The following ENPEP variants were observed in gnomAD, a reference collection of about 807,000 sequenced individuals.
The protein encoded by ENPEP is glutamyl aminopeptidase, also known as AP-A.
In ENPEP, 103 loss-of-function variants were observed where a neutral mutation model predicts 114.5. The ratio of observed to expected loss-of-function variants is 0.90; its 90% CI spans 0.77 to 1.06. The LOEUF is 1.06. Among genes scored for constraint, ENPEP ranks in the 50% least tolerant of loss-of-function variants. The pLI is 0.00. For synonymous variants in ENPEP, 420 were observed against 422.0 expected (o/e 1.00, Z 0.06); for missense variants, 1,196 against 1,161.3 (o/e 1.03, Z -0.43).
chr4:110,548,061 C>T, intron 13 of ENPEP, 115 bp from the exon 14 acceptor site: 1 of 1,155,580 alleles, frequency 8.7e-7, no homozygotes, highest in Non-Finnish European at 1.1e-6. Flanking sequence ...GAAGAATCCT[C>T]ATTAACATGG....
intron 1 of ENPEP, among the ~76,000 whole-genome samples, chr4:110,480,582 G>T (rs1395500569): frequency 2.6e-5 from 4 of 152,146 alleles, no homozygotes; most frequent in Non-Finnish European, 5.9e-5. Flanking sequence ...AGTAGTTAGG[G>T]ATATTAATGT....
chr4:110,476,955 A>G lies in ENPEP; in HGVS notation c.541A>G (p.Ser181Gly). The part of the protein sequence containing the change: ...VEAEEELTPS[S>G]GDGLYLLTME... The stretch of plus-strand genomic sequence containing the variant: ...GGCGGAGGAAGAGCTTACCCCCAGC[A>G]GTGGAGATGGCCTGTATCTCCTGAC... The change falls in exon 1 of 20, where the codon AGT (serine) becomes GGT (glycine). Residue 181 changes from serine to glycine, a missense_variant. By Grantham distance (56) the Ser-to-Gly change is moderately conservative. Transcript: ENST00000265162. 4 of 1,614,190 alleles carry G rather than the reference A, an allele frequency of 2.5e-6. No homozygotes were observed. The highest frequency in any genetic ancestry group is 3.4e-6 in the Non-Finnish European group (4 of 1,180,032).
chr4:110,564,745 T>C lies in ENPEP; in HGVS notation c.*3187T>C, dbSNP rs1344033001. On this transcript the variant is annotated 3_prime_UTR_variant, in exon 20 of 20. Coordinates refer to ENST00000265162, the MANE Select transcript of ENPEP (RefSeq NM_001977.4). ...CCCCATTGTAGTCTAGCATGGTATG[T>C]GACTTGCTTTGGCCAGTGAAACAGA... is the stretch of plus-strand genomic sequence containing the variant. 1.3e-5 allele frequency: 2 copies of C among 152,198 alleles called. No homozygotes were observed. Among genetic ancestry groups the C allele is most frequent in the Non-Finnish European group, 2.9e-5 (2 of 68,030 alleles). 9.4% of individuals were successfully genotyped at this position (152,198 alleles called of 1,614,324 possible). A position where few individuals can be genotyped will look rare whatever the true frequency, so the allele number is the denominator to read the frequency against.
intron 10 of ENPEP, among the ~76,000 whole-genome samples, chr4:110,526,283 C>T (rs1029880592): frequency 6.6e-6 from 1 of 151,942 alleles, no homozygotes; most frequent in African/African-American, 2.4e-5. Context: ...CTGAAAAAAA[C>T]AGAACAAACC....
At chr4:110,505,866 A>G (rs774013572) in intron 3 of ENPEP, among the ~76,000 whole-genome samples, 1 of 152,218 alleles carries the variant, frequency 6.6e-6, no homozygotes, top group Non-Finnish European at 1.5e-5. Flanking sequence ...TACTTTCACG[A>G]CACTATGTTG....
intron 3 of ENPEP, among the ~76,000 whole-genome samples, chr4:110,496,913 T>A (rs1047316554): frequency 6.6e-6 from 1 of 152,242 alleles, no homozygotes; most frequent in African/African-American, 2.4e-5. Flanking sequence ...TACTAGTTTT[T>A]TATTCCAATC....
At chr4:110,515,120 G>A (rs1725712420) in intron 7 of ENPEP, among the ~76,000 whole-genome samples, 1 of 152,074 alleles carries the variant, frequency 6.6e-6, no homozygotes, top group African/African-American at 2.4e-5. Context: ...ATAATTATTT[G>A]AATCTGAAGT....
chr4:110,518,929 C>A (rs1232964519), intron 8 of ENPEP: 3 of 377,522 alleles, frequency 7.9e-6, no homozygotes, highest in Non-Finnish European at 1.6e-5. Context: ...TATTACTATG[C>A]CAAGTATTCA....
At chr4:110,516,891 C>T (rs1725791832) in intron 8 of ENPEP, among the ~76,000 whole-genome samples, 1 of 152,080 alleles carries the variant, frequency 6.6e-6, no homozygotes, top group South Asian at 2.1e-4. Context: ...GTAACTTTTC[C>T]ATAAGTTTCA....
At chr4:110,486,246 G>A (rs556834325) in intron 1 of ENPEP, among the ~76,000 whole-genome samples, 115 of 152,282 alleles carry the variant, frequency 7.6e-4, no homozygotes, top group African/African-American at 2.7e-3. Flanking sequence ...TTATTGTGAT[G>A]TTCCAATACT....
At chr4:110,550,238 A>G (rs1578419152) in intron 17 of ENPEP, among the ~76,000 whole-genome samples, 1 of 152,188 alleles carries the variant, frequency 6.6e-6, no homozygotes. Context: ...TGTGTAATGG[A>G]GGTAGGACAG....
chr4:110,487,025 G>C (rs777801435), intron 1 of ENPEP, among the ~76,000 whole-genome samples: 10 of 152,078 alleles, frequency 6.6e-5, no homozygotes, highest in Non-Finnish European at 1.0e-4. Context: ...TTCCTGGGTG[G>C]GATGGCAGAA....
intron 4 of ENPEP, among the ~76,000 whole-genome samples, chr4:110,507,445 G>T (rs1262486829): frequency 6.6e-6 from 1 of 152,186 alleles, no homozygotes; most frequent in African/African-American, 2.4e-5. Context: ...GGGATGAAAT[G>T]AAGGCAGTAA....
intron 8 of ENPEP, chr4:110,519,284 A>G (rs1272358643): frequency 3.2e-6 from 1 of 307,902 alleles, no homozygotes; most frequent in Non-Finnish European, 6.6e-6. Flanking sequence ...TGAAAATGAT[A>G]TGTGCAAAGT....
At chr4:110,559,883 G>A (rs943458966) in intron 19 of ENPEP, among the ~76,000 whole-genome samples, 158 bp downstream of exon 19, 5 of 152,054 alleles carry the variant, frequency 3.3e-5, no homozygotes, top group Non-Finnish European at 7.4e-5. Context: ...CTATCAACCC[G>A]CCATCTAGGT....
At chr4:110,497,936 A>C (rs1291354564) in intron 3 of ENPEP, among the ~76,000 whole-genome samples, 2 of 152,228 alleles carry the variant, frequency 1.3e-5, no homozygotes, top group Non-Finnish European at 2.9e-5. Flanking sequence ...AAACTTTATA[A>C]AATTTAACAC....
Position 110,520,057 on chromosome 4 carries a change from G to T in ENPEP, c.1559G>T (p.Trp520Leu), listed in dbSNP as rs749609360. Reference sequence around the variant, plus strand: ...AAGAATGCAAAAACTTCTGATTTTTGGGCAGCACTGGAAGAGGTAAGGAAG... The same window carrying T: ...AAGAATGCAAAAACTTCTGATTTTTTGGCAGCACTGGAAGAGGTAAGGAAG... ...QFKNAKTSDFWAALEEASRLP... is the reference protein window; with the variant it reads ...QFKNAKTSDFLAALEEASRLP... Residue 520 changes from tryptophan to leucine, a missense_variant, in exon 9 of 20, where the codon TGG (tryptophan) becomes TTG (leucine). By Grantham distance (61) the Trp-to-Leu change is moderately conservative (BLOSUM62 -2). Coordinates refer to ENST00000265162, the MANE Select transcript of ENPEP (RefSeq NM_001977.4). 7 of 1,613,876 alleles carry T rather than the reference G, an allele frequency of 4.3e-6. No homozygotes were observed. In the Admixed American group the frequency reaches 1.2e-4, roughly 27 times the overall value.
chr4:110,507,178 C>T (rs1298777911), intron 4 of ENPEP, among the ~76,000 whole-genome samples: 1 of 152,102 alleles, frequency 6.6e-6, no homozygotes, highest in African/African-American at 2.4e-5. Flanking sequence ...TGTAAGAGCC[C>T]CATGTGCTTC....
intron 4 of ENPEP, among the ~76,000 whole-genome samples, chr4:110,509,019 A>G (rs754462180): frequency 5.3e-5 from 8 of 152,214 alleles, no homozygotes; most frequent in Non-Finnish European, 1.0e-4. Context: ...GATTTAACAT[A>G]GAACTGATCA....
Sources: allele counts gnomAD v4.1 joint callset (sites outside exome capture counted in the v4.1 genomes callset), GRCh38; gene constraint gnomAD v4.1.1; transcripts MANE v1.5; gene names NCBI Gene and HGNC (gene_info 2026-07-23, HGNC 2026-07-21).